UNC13A: variants seen among roughly 807,000 people sequenced by gnomAD.
The protein encoded by UNC13A is protein unc-13 homolog A.
Under a neutral mutation model 219.7 loss-of-function variants are expected in UNC13A, and 61 were observed. The observed-to-expected ratio is 0.28, with a 90% CI of 0.23 to 0.34. The LOEUF (loss-of-function observed/expected upper bound fraction) is 0.34. UNC13A is among the 10% of genes least tolerant of loss of function. The pLI is 1.00. For synonymous variants in UNC13A, 920 were observed against 884.6 expected, an observed-to-expected ratio of 1.04 and a Z score of -0.71; for missense variants, 1,476 against 2,270.3, an observed-to-expected ratio of 0.65 and a Z score of 7.11.
rs538566061 is a variant in UNC13A, at chr19:17,656,299, G to C, written c.867C>G (p.Gly289=). The part of the protein sequence containing the change: ...DFDPDEHSLQ[G]SDMEDERDRD... ...GGTCCCGCTCATCCTCCATGTCGGA[G>C]CCCTGCAGGCTGTGCTCGTCAGGGT... Residue 289 remains glycine, a synonymous_variant, in exon 10 of 44, where the codon GGC becomes GGG. Transcript: ENST00000519716. The C allele has an allele frequency of 1.6e-5, 25 of 1,553,598 alleles. No homozygotes were observed. The East Asian group carries it at 6.1e-4, about 38-fold the overall frequency.
chr19:17,688,084 A>T, intron 1 of UNC13A, 94 bp downstream of exon 1: 1 of 1,436,368 alleles, frequency 7.0e-7, no homozygotes, highest in South Asian at 1.4e-5. Flanking sequence ...GACTCGGGTC[A>T]CCCCCCAGGA....
At chr19:17,682,490 A>T (rs1243168046) in intron 1 of UNC13A, among the ~76,000 whole-genome samples, 1 of 152,174 alleles carries the variant, frequency 6.6e-6, no homozygotes, top group Non-Finnish European at 1.5e-5. Flanking sequence ...GGATGCCCTT[A>T]TTGGCACCTT....
Position 17,636,076 on chromosome 19 carries a change from T to A in UNC13A, c.3163A>T (p.Ile1055Leu), listed in dbSNP as rs1434176418. 1.2e-6 allele frequency: 2 copies of A among 1,612,716 alleles called. No individual in the cohort carries two copies. The highest frequency in any genetic ancestry group is 1.7e-6 in the Non-Finnish European group (2 of 1,179,338). ...LDFWSKLITL[I>L]VSIIEEDKNS... ...TTGTCTTCCTCAATGATGGACACTA[T>A]GAGGGTAATCAGCTTGGACCAGAAG... The change falls in exon 26 of 44, where the codon ATA (isoleucine) becomes TTA (leucine). Residue 1055 changes from isoleucine (I) to leucine (L), a missense_variant. By Grantham distance (5) the Ile-to-Leu change is conservative. Transcript: ENST00000519716.
At position 17,674,777 on chromosome 19, in the gene UNC13A, G is replaced by C; in HGVS notation, c.53-21C>G. The C allele has an allele frequency of 1.2e-6, 2 of 1,600,550 alleles. No homozygotes were observed. The highest frequency in any genetic ancestry group is 1.7e-6 in the Non-Finnish European group (2 of 1,167,848). On this transcript the variant is annotated intron_variant, in intron 2 of 43. Coordinates refer to ENST00000519716, the MANE Select transcript of UNC13A (RefSeq NM_001080421.3). This position sits in a 1 kb window ranked among gnomAD's most constrained non-coding sequence, Gnocchi z 5.0. Reference sequence around the variant, plus strand: ...TTTCTCTGTGGCAGTGAGAGTAGGGGTCAGCGCTGGGGCTCAGGGACTCTC... The same window carrying C: ...TTTCTCTGTGGCAGTGAGAGTAGGGCTCAGCGCTGGGGCTCAGGGACTCTC...
At chr19:17,629,386 C>T in intron 30 of UNC13A, 63 bp from the exon 31 acceptor site, 9 of 1,440,696 alleles carry the variant, frequency 6.2e-6, no homozygotes, top group Non-Finnish European at 8.6e-6. Flanking sequence ...GCCAGTCGTC[C>T]CATCAAGGCC....
Position 17,601,646 on chromosome 19 carries a change from G to A in UNC13A, c.*4408C>T, listed in dbSNP as rs2076465284. 6.6e-6 allele frequency: 1 copy of A among 152,260 alleles called. No individual in the cohort carries two copies. Among genetic ancestry groups the A allele is most frequent in the Non-Finnish European group, 1.5e-5 (1 of 68,046 alleles). 9.4% of individuals were successfully genotyped at this position (152,260 alleles called of 1,614,324 possible). On this transcript the variant is annotated 3_prime_UTR_variant, in exon 44 of 44. Coordinates refer to ENST00000519716, the MANE Select transcript of UNC13A (RefSeq NM_001080421.3). ...GCTTGGCCGGTTTGTGGGGGTCTGA[G>A]GGAGCACGAGACAGGGGTGGACAGG... is the stretch of plus-strand genomic sequence containing the variant.
At chr19:17,608,574 G>A (rs1288006793) in intron 43 of UNC13A, among the ~76,000 whole-genome samples, 1 of 147,102 alleles carries the variant, frequency 6.8e-6, no homozygotes, top group African/African-American at 2.5e-5. Context: ...CTGGAGTGCA[G>A]TGGTGCGATC....
rs1198772579 is a variant in UNC13A, at chr19:17,604,455, C to T, written c.*1599G>A. On this transcript the variant is annotated 3_prime_UTR_variant, in exon 44 of 44. Coordinates refer to ENST00000519716, the MANE Select transcript of UNC13A (RefSeq NM_001080421.3). ...CCTGGCCTTCGCACGTGCTGTTCCC[C>T]AGGCCTGGAGCTCTTTTCTCTCTAG... is the stretch of plus-strand genomic sequence containing the variant. 3.3e-5 allele frequency: 5 copies of T among 152,250 alleles called. No individual in the cohort carries two copies. The highest frequency in any genetic ancestry group is 1.2e-4 in the African/African-American group (5 of 41,424). The allele number at this position is 152,250 out of a possible 1,614,324, so 9.4% of individuals were successfully genotyped here. A position where few individuals can be genotyped will look rare whatever the true frequency, so the allele number is the denominator to read the frequency against.
rs1391626133 is a variant in UNC13A, at chr19:17,609,954, A to T, written c.4797T>A (p.Asn1599Lys). Residue 1599 changes from asparagine to lysine, a missense_variant, in exon 43 of 44, where the codon AAT becomes AAA. Physicochemically the swap from Asn to Lys is moderately conservative, Grantham distance 94. Around this residue, in one of 14 missense-constraint regions of UNC13A, gnomAD observed 187 missense variants for 172.3 expected, o/e 1.09. Coordinates refer to ENST00000519716, the MANE Select transcript of UNC13A (RefSeq NM_001080421.3). The stretch of plus-strand genomic sequence containing the variant: ...CCCAAACTCACAACTGGAAGCTCTC[A>T]TTGTACTTGGGAGCCCAGCTATTGT... ...SKNNSWAPKY[N>K]ESFQFTLSAD... The T allele has an allele frequency of 5.0e-6, 8 of 1,613,654 alleles. No individual in the cohort carries two copies. The highest frequency in any genetic ancestry group is 6.8e-6 in the Non-Finnish European group (8 of 1,179,860).
At position 17,674,234 on chromosome 19, in the gene UNC13A, C is replaced by T. The variant is rs2079852363; in HGVS notation, c.152+423G>A. ...GAGAAAGGGGCAGAGGTGGGTGTGG[C>T]TGGGGCAGGTGAGGGAGATAGAGCG... is the stretch of plus-strand genomic sequence containing the variant. On this transcript the variant is annotated intron_variant, in intron 3 of 43. Transcript: ENST00000519716. This position sits in a 1 kb window ranked among gnomAD's most constrained non-coding sequence, Gnocchi z 5.0. 6.6e-6 allele frequency among the ~76,000 whole-genome samples: 1 copy of T among 152,114 alleles called. No individual in the cohort carries two copies.
chr19:17,606,085 G>A lies in UNC13A; in HGVS notation c.5081C>T (p.Ala1694Val), dbSNP rs1250985576. The A allele has an allele frequency of 5.7e-6, 9 of 1,588,668 alleles. No individual in the cohort carries two copies. The highest frequency in any genetic ancestry group is 6.8e-6 in the Non-Finnish European group (8 of 1,170,642). ...CGCAGGCGCGGCACCGCCCTCCTCG[G>A]CGGAGCGCGTGTCCGACTTGAGCTT... ...FVKLKSDTRSAEEGGAAPAP is the reference protein window; with the variant it reads ...FVKLKSDTRSVEEGGAAPAP Residue 1694 changes from alanine (A) to valine (V), a missense_variant, in exon 44 of 44, where the codon GCC (alanine) becomes GTC (valine). Transcript: ENST00000519716.
chr19:17,653,306 C>A (rs1383889866), intron 11 of UNC13A, among the ~76,000 whole-genome samples: 6 of 151,002 alleles, frequency 4.0e-5, no homozygotes, highest in Non-Finnish European at 8.8e-5. Flanking sequence ...ACACACAAGC[C>A]ACCACACTCA....
chr19:17,639,789 G>C, intron 23 of UNC13A, 51 bp downstream of exon 23: 1 of 1,586,830 alleles, frequency 6.3e-7, no homozygotes, highest in Middle Eastern at 1.8e-4. Flanking sequence ...TTCCCCTCCA[G>C]GCACACACAT....
chr19:17,681,192 T>G (rs911413685), intron 1 of UNC13A, among the ~76,000 whole-genome samples: 1 of 150,132 alleles, frequency 6.7e-6, no homozygotes, highest in Non-Finnish European at 1.5e-5. Flanking sequence ...ACCACATGGC[T>G]GACTGACCCT....
intron 1 of UNC13A, among the ~76,000 whole-genome samples, chr19:17,687,646 G>T (rs986579779): frequency 6.6e-6 from 1 of 152,012 alleles, no homozygotes; most frequent in Non-Finnish European, 1.5e-5. Context: ...TAGAACTCGT[G>T]GATGCCCTGA....
At chr19:17,631,392 T>G (rs1221139656) in intron 28 of UNC13A, among the ~76,000 whole-genome samples, 1 of 151,490 alleles carries the variant, frequency 6.6e-6, no homozygotes, top group African/African-American at 2.4e-5. Context: ...GGCTAATTTT[T>G]TTTTTTGTCT....
intron 1 of UNC13A, among the ~76,000 whole-genome samples, chr19:17,683,667 A>G (rs904442252): frequency 1.3e-5 from 2 of 152,106 alleles, no homozygotes; most frequent in Non-Finnish European, 2.9e-5. Flanking sequence ...CAAAAAACAA[A>G]CAAACAAACA....
At chr19:17,636,655 A>G (rs1399175138) in intron 25 of UNC13A, among the ~76,000 whole-genome samples, 1 of 152,190 alleles carries the variant, frequency 6.6e-6, no homozygotes, top group Non-Finnish European at 1.5e-5. Flanking sequence ...AATAATGGAA[A>G]TAAATCGACT....
intron 28 of UNC13A, 81 bp from the exon 29 acceptor site, chr19:17,630,831 G>A (rs1335292901): frequency 2.2e-5 from 29 of 1,304,006 alleles, no homozygotes; most frequent in South Asian, 1.3e-4. Flanking sequence ...ACCCACTAAC[G>A]AGTGGAGCTA....
Sources: gnomAD v4.1 joint callset for allele counts (sites outside exome capture counted in the v4.1 genomes callset) on GRCh38, gnomAD v4.1.1 for gene constraint, gnomAD v4.1.1 regional missense constraint, Gnocchi (gnomAD v3.1) non-coding constraint, MANE v1.5 for transcripts, NCBI Gene and HGNC (gene_info 2026-07-23, HGNC 2026-07-21) for gene names.